The following CADM1 variants were observed in gnomAD, a reference collection of about 807,000 sequenced individuals.
CADM1 encodes the protein cell adhesion molecule 1.
In CADM1, 15 loss-of-function variants were observed where a neutral mutation model predicts 53.1. The observed-to-expected ratio is 0.28, with a 90% confidence interval of 0.19 to 0.44. The LOEUF is 0.44. Ranked by LOEUF, CADM1 falls within the 20% of genes least tolerant of loss-of-function variation. CADM1 has a pLI of 1.00. For missense variants in CADM1, 434 were observed against 611.3 expected (o/e 0.71, Z 3.06); for synonymous variants, 281 against 243.0 (o/e 1.16, Z -1.45).
At chr11:115,352,145 T>C (rs1945753401) in intron 1 of CADM1, among the ~76,000 whole-genome samples, 1 of 152,178 alleles carries the variant, frequency 6.6e-6, no homozygotes, top group Admixed American at 6.5e-5. Flanking sequence ...AGCCCCCAAG[T>C]TACCATAACA....
rs557294755 is a variant in CADM1 at position 115,403,253 on chromosome 11, G to A, written c.124+101018C>T. On this transcript the variant is annotated intron_variant, in intron 1 of 11. Transcript: ENST00000331581. ...GGACATTCTTCAAAATATCTGGCCA[G>A]TACTCTTCAAAACTATCAAGGAAGG... Among the ~76,000 whole-genome samples the A allele has an allele frequency of 4.0e-5, 6 of 150,132 alleles. No individual in the cohort carries two copies. The South Asian group carries it at 1.1e-3, about 27-fold the overall frequency.
intron 6 of CADM1, among the ~76,000 whole-genome samples, chr11:115,215,481 C>G (rs543049221): frequency 6.6e-6 from 1 of 152,278 alleles, no homozygotes; most frequent in South Asian, 2.1e-4. Flanking sequence ...ATTGTGAGAA[C>G]TTTCCCTGTG....
chr11:115,348,102 G>C (rs1945630760), intron 1 of CADM1, among the ~76,000 whole-genome samples: 1 of 152,172 alleles, frequency 6.6e-6, no homozygotes, highest in South Asian at 2.1e-4. Flanking sequence ...GGAAATCAGT[G>C]TGAGCGTTTG....
intron 1 of CADM1, among the ~76,000 whole-genome samples, chr11:115,373,428 T>TA (rs891672922): frequency 6.6e-6 from 1 of 150,394 alleles, no homozygotes; most frequent in African/African-American, 2.4e-5. Flanking sequence ...CTTCCAAAAA[T>TA]AAAAAAAGTA....
In CADM1 at chr11:115,254,672, T is replaced by C. The variant is rs1405647880; in HGVS notation, c.125-14252A>G. ...CCATAGAAAAGGATGACCAGCTCAGTTGGGATAAGGGTGCAGCTTCTAGAG... is the reference window on the plus strand; with the variant it reads ...CCATAGAAAAGGATGACCAGCTCAGCTGGGATAAGGGTGCAGCTTCTAGAG... On this transcript the variant is annotated intron_variant, in intron 1 of 11. Transcript: ENST00000331581. 2.6e-5 allele frequency among the ~76,000 whole-genome samples: 4 copies of C among 151,132 alleles called. No individual in the cohort carries two copies. In the East Asian group the frequency reaches 5.9e-4, roughly 22 times the overall value.
chr11:115,468,365 C>G (rs143074694), intron 1 of CADM1, among the ~76,000 whole-genome samples: 7 of 152,126 alleles, frequency 4.6e-5, no homozygotes, highest in South Asian at 2.1e-4. Context: ...AGATTTGAAG[C>G]CTTCTCCAAA....
intron 1 of CADM1, among the ~76,000 whole-genome samples, chr11:115,473,494 T>C (rs189906697): frequency 6.2e-4 from 95 of 152,250 alleles, no homozygotes; most frequent in African/African-American, 2.0e-3. Flanking sequence ...GGCAGAAAGA[T>C]AGACAAGCTT....
intron 1 of CADM1, among the ~76,000 whole-genome samples, chr11:115,246,543 C>G (rs1434388020): frequency 6.6e-6 from 1 of 152,174 alleles, no homozygotes; most frequent in Non-Finnish European, 1.5e-5. Flanking sequence ...GATCAACTCT[C>G]TCACTTTAGG....
chr11:115,381,578 C>G (rs1205403622), intron 1 of CADM1, among the ~76,000 whole-genome samples: 1 of 152,106 alleles, frequency 6.6e-6, no homozygotes, highest in African/African-American at 2.4e-5. Context: ...AGTCACTAAG[C>G]CTTAGTGAGC....
intron 1 of CADM1, among the ~76,000 whole-genome samples, chr11:115,476,475 C>A (rs913947431): frequency 2.0e-5 from 3 of 151,922 alleles, no homozygotes; most frequent in Non-Finnish European, 4.4e-5. Context: ...AGGTGGAAAC[C>A]CTTTGTTACT....
chr11:115,461,112 G>C (rs1948785633), intron 1 of CADM1, among the ~76,000 whole-genome samples: 1 of 149,958 alleles, frequency 6.7e-6, no homozygotes, highest in Non-Finnish European at 1.5e-5. Context: ...AATGGAAATG[G>C]AAACACACAC....
chr11:115,423,442 C>A (rs1261423443), intron 1 of CADM1, among the ~76,000 whole-genome samples: 1 of 152,192 alleles, frequency 6.6e-6, no homozygotes, highest in Non-Finnish European at 1.5e-5. Flanking sequence ...AACTAACTTT[C>A]TCCTTACTAT....
chr11:115,399,908 T>C (rs1038073151), intron 1 of CADM1, among the ~76,000 whole-genome samples: 3 of 152,184 alleles, frequency 2.0e-5, no homozygotes, highest in African/African-American at 7.2e-5. Context: ...GAGCAGGCTG[T>C]AGGATATCCC....
intron 1 of CADM1, among the ~76,000 whole-genome samples, chr11:115,503,787 C>A (rs1043891457): frequency 3.3e-5 from 5 of 150,102 alleles, no homozygotes; most frequent in Non-Finnish European, 3.0e-5. Context: ...ACGCCGCGGG[C>A]GGCTGGGAGT....
At chr11:115,298,234 A>G (rs1048812674) in intron 1 of CADM1, among the ~76,000 whole-genome samples, 1 of 152,196 alleles carries the variant, frequency 6.6e-6, no homozygotes, top group Admixed American at 6.5e-5. Flanking sequence ...TGAAACACAG[A>G]AACAATTTTA....
chr11:115,269,549 A>G (rs1943241311), intron 1 of CADM1, among the ~76,000 whole-genome samples: 1 of 152,028 alleles, frequency 6.6e-6, no homozygotes. Flanking sequence ...CTCAGTACAT[A>G]CTCTGTGGGG....
intron 10 of CADM1, among the ~76,000 whole-genome samples, chr11:115,190,005 C>A (rs1277195363): frequency 1.3e-5 from 2 of 152,154 alleles, no homozygotes; most frequent in African/African-American, 2.4e-5. Context: ...CAATAGCCAA[C>A]TATTAAAAGG....
intron 1 of CADM1, among the ~76,000 whole-genome samples, chr11:115,273,633 G>A (rs1366000480): frequency 3.3e-5 from 5 of 151,738 alleles, no homozygotes; most frequent in East Asian, 3.9e-4. Flanking sequence ...CTTTATCATC[G>A]TGTTTAAAAA....
intron 8 of CADM1, among the ~76,000 whole-genome samples, chr11:115,206,755 C>CTTTTTTTTTTT (rs1194703150): frequency 1.8e-4 from 1 of 5,430 alleles, no homozygotes; most frequent in Non-Finnish European, 5.9e-4. Context: ...TGACTGTGGA[C>CTTTTTTTTTTT]TTCTTTTTTT....
Sources: gnomAD v4.1 joint callset for allele counts (sites outside exome capture counted in the v4.1 genomes callset) on GRCh38, gnomAD v4.1.1 for gene constraint, MANE v1.5 for transcripts, NCBI Gene and HGNC (gene_info 2026-07-23, HGNC 2026-07-21) for gene names.